The following TTLL9 variants were observed in gnomAD, a reference collection of about 807,000 sequenced individuals.
The protein encoded by TTLL9 is probable tubulin polyglutamylase TTLL9.
TTLL9 carries 47 observed loss-of-function variants against 65.6 expected under a neutral mutation model. The observed-to-expected ratio is 0.72, with a 90% CI of 0.57 to 0.91. The LOEUF (loss-of-function observed/expected upper bound fraction) is 0.91, where lower values mean the gene tolerates loss of function less well. Among genes scored for constraint, TTLL9 ranks in the 40% least tolerant of loss-of-function variants. TTLL9 has a pLI of 0.00. For missense variants in TTLL9, 537 were observed against 568.8 expected, an observed-to-expected ratio of 0.94 and a Z score of 0.57; for synonymous variants, 179 against 204.8, an observed-to-expected ratio of 0.87 and a Z score of 1.07.
chr20:31,905,216 AACTGCC>A (rs1270035636), intron 4 of TTLL9, among the ~76,000 whole-genome samples: 1 of 152,076 alleles, frequency 6.6e-6, no homozygotes, highest in Non-Finnish European at 1.5e-5. Flanking sequence ...GATTACAGGA[AACTGCC>A]ACCACGCTGG....
intron 2 of TTLL9, chr20:31,872,863 C>T (rs1213135884): frequency 3.3e-5 from 14 of 424,862 alleles, no homozygotes; most frequent in Admixed American, 1.7e-4. Flanking sequence ...GGTTCAGGGC[C>T]GGAGCATGCA....
Position 31,943,448 on chromosome 20 carries a change from G to T in TTLL9, c.*427G>T. 1 of 328,884 alleles carries T rather than the reference G, an allele frequency of 3.0e-6. No individual in the cohort carries two copies. Among genetic ancestry groups the T allele is most frequent in the Non-Finnish European group, 6.0e-6 (1 of 166,796 alleles). The allele number at this position is 328,884 out of a possible 1,614,324, so 20.4% of individuals were successfully genotyped here. A position where few individuals can be genotyped will look rare whatever the true frequency, so the allele number is the denominator to read the frequency against. On this transcript the variant is annotated 3_prime_UTR_variant, in exon 15 of 15. Coordinates refer to ENST00000535842, the MANE Select transcript of TTLL9 (RefSeq NM_001008409.5). ...GCTTTGACACTTGGATACCTCCCAA[G>T]TCAGTGCTGAAAAGGTCCTTCAGGA...
Position 31,944,833 on chromosome 20 carries a change from T to TATC in TTLL9, c.*1814_*1816dup. The TATC allele has an allele frequency of 6.6e-6, 1 of 152,296 alleles. No individual in the cohort carries two copies. The highest frequency in any genetic ancestry group is 3.4e-3 in the Middle Eastern group (1 of 294). 9.4% of individuals were successfully genotyped at this position (152,296 alleles called of 1,614,324 possible). On this transcript the variant is annotated 3_prime_UTR_variant, in exon 15 of 15. Coordinates refer to ENST00000535842, the MANE Select transcript of TTLL9 (RefSeq NM_001008409.5). ...GTGCCCCTGCCATGCTGCCATTTGT[T>TATC]ATCACCCGCCTGTCAAATCACAGGT... is the stretch of plus-strand genomic sequence containing the variant.
At chr20:31,896,686 C>T (rs1468115524) in intron 3 of TTLL9, among the ~76,000 whole-genome samples, 1 of 151,922 alleles carries the variant, frequency 6.6e-6, no homozygotes, top group Non-Finnish European at 1.5e-5. Context: ...CCCACCACCA[C>T]GCCTGACTAA....
intron 7 of TTLL9, among the ~76,000 whole-genome samples, chr20:31,921,972 T>TA (rs34154431): frequency 0.68 from 103,138 of 151,250 alleles, 36,083 homozygotes; most frequent in African/African-American, 0.84. Flanking sequence ...TAAAGTATAA[T>TA]AAAAAAAAAT....
intron 6 of TTLL9, among the ~76,000 whole-genome samples, chr20:31,916,728 T>G (rs2063739784): frequency 6.6e-6 from 1 of 152,182 alleles, no homozygotes; most frequent in African/African-American, 2.4e-5. Flanking sequence ...GTCACAGGCA[T>G]CATCTCCGCA....
chr20:31,909,496 A>C (rs2063612067), intron 5 of TTLL9, among the ~76,000 whole-genome samples: 1 of 152,180 alleles, frequency 6.6e-6, no homozygotes, highest in African/African-American at 2.4e-5. Flanking sequence ...GGGGCAGTGC[A>C]GCACCTTCGT....
At chr20:31,922,925 A>G (rs773087030) in intron 7 of TTLL9, 38 bp from the exon 8 acceptor site, 2 of 1,544,396 alleles carry the variant, frequency 1.3e-6, no homozygotes, top group African/African-American at 2.7e-5. Context: ...GAAATGTTCC[A>G]TAAATAAATG....
chr20:31,884,681 A>G (rs2063164391), intron 2 of TTLL9, among the ~76,000 whole-genome samples: 1 of 152,142 alleles, frequency 6.6e-6, no homozygotes, highest in Non-Finnish European at 1.5e-5. Flanking sequence ...TTCATGTTCA[A>G]TGGCAGTTCT....
Position 31,942,967 on chromosome 20 carries a change from A to G in TTLL9, c.1266A>G (p.Lys422=). 3.7e-6 allele frequency: 6 copies of G among 1,614,112 alleles called. No homozygotes were observed. The highest frequency in any genetic ancestry group is 5.1e-6 in the Non-Finnish European group (6 of 1,180,016). ...THLGCVNDRK[K]QLRQLFCSLQ... ...CAGGCTGCGTCAACGATCGGAAGAA[A>G]CAACTGAGGCAGCTCTTCTGCTCCC... Residue 422 remains lysine, a synonymous_variant, in exon 15 of 15, where the codon AAA becomes AAG. Transcript: ENST00000535842.
At chr20:31,874,300 C>A (rs1478934929) in intron 2 of TTLL9, among the ~76,000 whole-genome samples, 1 of 152,082 alleles carries the variant, frequency 6.6e-6, no homozygotes, top group Non-Finnish European at 1.5e-5. Context: ...AAATAATGGT[C>A]CCCCCAAAGG....
At chr20:31,914,678 G>A (rs1196496903) in intron 6 of TTLL9, among the ~76,000 whole-genome samples, 1 of 152,166 alleles carries the variant, frequency 6.6e-6, no homozygotes, top group Non-Finnish European at 1.5e-5. Context: ...AGAGAGGGAG[G>A]GAGGGAGGAA....
chr20:31,873,749 GAAGAAAGA>G (rs372535799), intron 2 of TTLL9, among the ~76,000 whole-genome samples: 9 of 126,442 alleles, frequency 7.1e-5, no homozygotes, highest in East Asian at 6.6e-4. Flanking sequence ...AGGAAGGAAG[GAAGAAAGA>G]AAGAAAGAAA....
At chr20:31,912,590 TGC>T (rs982526570) in intron 6 of TTLL9, among the ~76,000 whole-genome samples, 26 of 144,774 alleles carry the variant, frequency 1.8e-4, no homozygotes, top group African/African-American at 6.9e-4. Flanking sequence ...TGTGTGTGTG[TGC>T]GTGTATGTGT....
chr20:31,936,866 C>T (rs1396186616), intron 12 of TTLL9, among the ~76,000 whole-genome samples: 11 of 152,112 alleles, frequency 7.2e-5, no homozygotes, highest in Admixed American at 4.6e-4. Flanking sequence ...GAGGCTGAGG[C>T]GGGTGGATCA....
rs377208508 is a variant in TTLL9, at chr20:31,909,919, G to A, written c.501G>A (p.Lys167=). The part of the protein sequence containing the change: ...RKNPGITWIM[K]PVARSQGKGI... ...ACCCAGGAATCACCTGGATCATGAA[G>A]CCTGTGAGTGCCCAGTGCCAGGGGC... Residue 167 remains lysine, a synonymous_variant, in exon 6 of 15, where the codon AAG becomes AAA. Transcript: ENST00000535842. 1.3e-6 allele frequency: 2 copies of A among 1,589,666 alleles called. No homozygotes were observed. Among genetic ancestry groups the A allele is most frequent in the African/African-American group, 2.7e-5 (2 of 74,282 alleles).
At position 31,890,031 on chromosome 20, in the gene TTLL9, TTTCCTTCCTTCC is replaced by T. The variant is rs1555809802; in HGVS notation, c.113+2796_113+2807del. 1.6e-3 allele frequency among the ~76,000 whole-genome samples: 184 copies of T among 114,528 alleles called. 9 individuals carry two copies. The highest frequency in any genetic ancestry group is 5.4e-3 in the African/African-American group (165 of 30,476). 75.1% of individuals were successfully genotyped at this position (114,528 alleles called of 152,430 possible). A position where few individuals can be genotyped will look rare whatever the true frequency, so the allele number is the denominator to read the frequency against. On this transcript the variant is annotated intron_variant, in intron 3 of 14. Coordinates refer to ENST00000535842, the MANE Select transcript of TTLL9 (RefSeq NM_001008409.5). Reference sequence around the variant, plus strand: ...CTTTCTTTCTTTCTTTCTTTCTTTCTTTCCTTCCTTCCTTCTTTCTTTCTTTCTCTTTCTTTC... The same window carrying T: ...CTTTCTTTCTTTCTTTCTTTCTTTCTTTCTTTCTTTCTTTCTCTTTCTTTC...
At chr20:31,917,007 C>T (rs1183431643) in intron 6 of TTLL9, among the ~76,000 whole-genome samples, 1 of 152,086 alleles carries the variant, frequency 6.6e-6, no homozygotes. Flanking sequence ...AGGAAAGTGG[C>T]CATAGGGAAG....
intron 4 of TTLL9, among the ~76,000 whole-genome samples, chr20:31,906,446 A>C (rs2063561069): frequency 6.6e-6 from 1 of 152,136 alleles, no homozygotes; most frequent in Non-Finnish European, 1.5e-5. Context: ...ATAGTGTAGG[A>C]ATCTTTTGGA....
Sources: allele counts gnomAD v4.1 joint callset (sites outside exome capture counted in the v4.1 genomes callset), GRCh38; gene constraint gnomAD v4.1.1; transcripts MANE v1.5; gene names NCBI Gene and HGNC (gene_info 2026-07-23, HGNC 2026-07-21).